SYNRG: variants seen among roughly 807,000 people sequenced by gnomAD.
The protein encoded by SYNRG is AP1 gamma subunit binding protein 1.
In SYNRG, 37 loss-of-function variants were observed where a neutral mutation model predicts 130.9. That is an observed-to-expected ratio of 0.28 (90% CI 0.22 to 0.37). The LOEUF (loss-of-function observed/expected upper bound fraction) is 0.37. Ranked by LOEUF, SYNRG falls within the 10% of genes least tolerant of loss-of-function variation. The pLI is 1.00. For synonymous variants in SYNRG, 539 were observed against 568.1 expected (o/e 0.95, Z 0.73); for missense variants, 1,338 against 1,588.9 (o/e 0.84, Z 2.68).
chr17:37,565,982 C>T (rs1466898056), intron 11 of SYNRG, among the ~76,000 whole-genome samples: 31 of 150,062 alleles, frequency 2.1e-4, no homozygotes, highest in African/African-American at 7.0e-4. Context: ...GCCCCCTGCC[C>T]GGCCAGCCGC....
At chr17:37,525,061 C>T (rs1474200046) in intron 19 of SYNRG, among the ~76,000 whole-genome samples, 3 of 152,152 alleles carry the variant, frequency 2.0e-5, no homozygotes, top group Admixed American at 2.0e-4. Flanking sequence ...ACCCTGTGAT[C>T]AAATTACTCT....
intron 19 of SYNRG, among the ~76,000 whole-genome samples, chr17:37,524,802 C>T (rs951330321): frequency 2.6e-5 from 4 of 152,172 alleles, no homozygotes; most frequent in South Asian, 2.1e-4. Context: ...TTCACTTTGA[C>T]GAACTCTTAG....
intron 3 of SYNRG, among the ~76,000 whole-genome samples, chr17:37,595,662 A>C (rs2062698770): frequency 6.6e-6 from 1 of 152,204 alleles, no homozygotes; most frequent in African/African-American, 2.4e-5. Flanking sequence ...AAAAAGCAAA[A>C]ATAAGTAAAG....
chr17:37,596,750 A>C (rs2062810460), intron 2 of SYNRG, among the ~76,000 whole-genome samples: 1 of 151,922 alleles, frequency 6.6e-6, no homozygotes, highest in Admixed American at 6.6e-5. Context: ...ACAGCATGTA[A>C]CTTCGAAGGC....
At chr17:37,525,084 A>C (rs1405418662) in intron 19 of SYNRG, among the ~76,000 whole-genome samples, 1 of 152,204 alleles carries the variant, frequency 6.6e-6, no homozygotes, top group East Asian at 1.9e-4. Context: ...CAGCTGACAA[A>C]ATTAACCTTC....
intron 1 of SYNRG, among the ~76,000 whole-genome samples, chr17:37,601,912 C>G (rs567515549): frequency 7.2e-5 from 11 of 152,218 alleles, no homozygotes; most frequent in Admixed American, 6.5e-4. Flanking sequence ...ATCTGCCTGC[C>G]TTGGCCTCCC....
chr17:37,584,152 AATG>A (rs1312279718), intron 6 of SYNRG, among the ~76,000 whole-genome samples: 15 of 152,198 alleles, frequency 9.9e-5, no homozygotes, highest in Admixed American at 5.2e-4. Flanking sequence ...CCTGACAATA[AATG>A]ATGATAAAAA....
intron 17 of SYNRG, 156 bp downstream of exon 17, chr17:37,539,036 C>T (rs190512805): frequency 2.0e-6 from 2 of 985,412 alleles, no homozygotes; most frequent in East Asian, 2.3e-4. Context: ...AGAAGCCTCA[C>T]CTTAGATGCA....
intron 19 of SYNRG, among the ~76,000 whole-genome samples, chr17:37,522,848 C>T (rs772251117): frequency 2.3e-4 from 35 of 151,978 alleles, no homozygotes; most frequent in Non-Finnish European, 8.8e-5. Flanking sequence ...ACCATATTGG[C>T]CAGGCTGGTC....
In SYNRG at chr17:37,542,687, A is replaced by G. The variant is rs530457707; in HGVS notation, c.2609-122T>C. 9 of 719,690 alleles carry G rather than the reference A, an allele frequency of 1.3e-5. No individual in the cohort carries two copies. The South Asian group carries it at 2.1e-4, about 17-fold the overall frequency. 44.6% of individuals were successfully genotyped at this position (719,690 alleles called of 1,614,324 possible). ...TTTATACTATGTTGAAATTAGCTAA[A>G]TTTAGAGTTTGTACTAAAATTAAGA... On this transcript the variant is annotated intron_variant, in intron 14 of 21. Transcript: ENST00000612223.
chr17:37,525,994 G>A (rs377494226), intron 19 of SYNRG, among the ~76,000 whole-genome samples: 55 of 152,236 alleles, frequency 3.6e-4, no homozygotes, highest in South Asian at 1.2e-3. Context: ...TTGGCCGGAC[G>A]TGGTGGCGGG....
Position 37,570,653 on chromosome 17 carries a change from G to A in SYNRG, c.1331C>T (p.Thr444Ile), listed in dbSNP as rs1184533591. ...GCCATTTACCTGATTTGCAGGGTAG[G>A]TTGGTATGAAACCACTAGAAGCCTG... ...AAQASSGFIP[T>I]YPANQVVKPE... Residue 444 changes from threonine (T) to isoleucine (I), a missense_variant, in exon 10 of 22, where the codon ACC becomes ATC. Thr to Ile is a moderately conservative substitution (Grantham distance 89, BLOSUM62 -1). Around this residue, in one of 3 missense-constraint regions of SYNRG, gnomAD observed 1,146 missense variants for 1,342.3 expected, o/e 0.85. Coordinates refer to ENST00000612223, the MANE Select transcript of SYNRG (RefSeq NM_007247.6). 2 of 1,613,666 alleles carry A rather than the reference G, an allele frequency of 1.2e-6. No individual in the cohort carries two copies. The highest frequency in any genetic ancestry group is 1.7e-6 in the Non-Finnish European group (2 of 1,179,808).
intron 2 of SYNRG, among the ~76,000 whole-genome samples, chr17:37,599,866 CAGT>C (rs2063113621): frequency 6.6e-6 from 1 of 152,016 alleles, no homozygotes; most frequent in Admixed American, 6.6e-5. Flanking sequence ...TAAAAAATAG[CAGT>C]GTAAAACAAC....
intron 19 of SYNRG, among the ~76,000 whole-genome samples, chr17:37,535,276 T>A (rs962814099): frequency 1.3e-5 from 2 of 151,422 alleles, no homozygotes; most frequent in African/African-American, 2.4e-5. Flanking sequence ...AAAAAAAAAA[T>A]GTAAAAAATA....
At position 37,516,661 on chromosome 17, in the gene SYNRG, C is replaced by CT. The variant is rs35105109; in HGVS notation, c.*2278dup. On this transcript the variant is annotated 3_prime_UTR_variant, in exon 22 of 22. Coordinates refer to ENST00000612223, the MANE Select transcript of SYNRG (RefSeq NM_007247.6). ...AGCAATACAAATTCAAACTGGGAAA[C>CT]TTTTTTTTTTTTTTTTTTAAGAGAC... The CT allele has an allele frequency of 0.12, 16,019 of 138,822 alleles. 917 individuals carry two copies. Among genetic ancestry groups the CT allele is most frequent in the East Asian group, 0.18 (869 of 4,766 alleles). 8.6% of individuals were successfully genotyped at this position (138,822 alleles called of 1,614,324 possible).
intron 14 of SYNRG, among the ~76,000 whole-genome samples, chr17:37,548,533 C>G (rs1381880396): frequency 6.6e-6 from 1 of 151,954 alleles, no homozygotes; most frequent in Non-Finnish European, 1.5e-5. Context: ...TCATCTTCTT[C>G]TAGGCCGGGT....
chr17:37,600,677 C>T, intron 1 of SYNRG: 1 of 549,660 alleles, frequency 1.8e-6, no homozygotes, highest in Non-Finnish European at 3.3e-6. Context: ...CCAGTTTCCC[C>T]ATCTATAAAA....
chr17:37,576,319 C>T (rs768879165), intron 8 of SYNRG, 22 bp downstream of exon 8: 15 of 1,610,238 alleles, frequency 9.3e-6, no homozygotes, highest in Non-Finnish European at 1.2e-5. Context: ...GATGGGAATC[C>T]TGGGTAAAGA....
chr17:37,554,010 G>T lies in SYNRG; in HGVS notation c.1713C>A (p.Thr571=). The T allele has an allele frequency of 6.2e-7, 1 of 1,606,834 alleles. No individual in the cohort carries two copies. The highest frequency in any genetic ancestry group is 8.5e-7 in the Non-Finnish European group (1 of 1,178,440). The stretch of plus-strand genomic sequence containing the variant: ...ATACACTATCGGCTGTTTTAAAATC[G>T]GTGAAACCATCATCAGTTCCTGCAG... ...FRSAGTDDGF[T]DFKTADSVSP... is the part of the protein sequence containing the mutation. The change falls in exon 14 of 22, where the codon ACC becomes ACA. Residue 571 remains threonine (T), a synonymous_variant. Coordinates refer to ENST00000612223, the MANE Select transcript of SYNRG (RefSeq NM_007247.6).
Sources: allele counts gnomAD v4.1 joint callset (sites outside exome capture counted in the v4.1 genomes callset), GRCh38; gene constraint gnomAD v4.1.1; regional missense constraint gnomAD v4.1.1; transcripts MANE v1.5; gene names NCBI Gene and HGNC (gene_info 2026-07-23, HGNC 2026-07-21).